The following TENM2 variants were observed in gnomAD, a reference collection of about 807,000 sequenced individuals.
TENM2 encodes the protein teneurin transmembrane protein 2.
TENM2 carries 52 observed loss-of-function variants against 245.2 expected under a neutral mutation model. That is an observed-to-expected ratio of 0.21 (90% CI 0.17 to 0.27). The LOEUF (loss-of-function observed/expected upper bound fraction) is 0.27, where lower values mean the gene tolerates loss of function less well. TENM2 is among the 10% of genes least tolerant of loss of function. TENM2 has a pLI of 1.00. For synonymous variants in TENM2, 1,363 were observed against 1,438.9 expected, an observed-to-expected ratio of 0.95 and a Z score of 1.19; for missense variants, 3,046 against 3,666.8, an observed-to-expected ratio of 0.83 and a Z score of 4.37.
intron 13 of TENM2, 53 bp downstream of exon 15, chr5:168,162,810 C>T: frequency 6.3e-7 from 1 of 1,584,270 alleles, no homozygotes; most frequent in Non-Finnish European, 8.6e-7. Context: ...GTTGTCCATG[C>T]TTTTGTCATA....
intron 7 of TENM2, among the ~76,000 whole-genome samples, chr5:168,085,970 C>T (rs1792419041): frequency 6.6e-6 from 1 of 152,228 alleles, no homozygotes; most frequent in African/African-American, 2.4e-5. Context: ...CGGGAAATGT[C>T]AGCATTTATT....
At chr5:167,316,709 C>A (rs1228682996) in intron 1 of TENM2, among the ~76,000 whole-genome samples, 3 of 152,130 alleles carry the variant, frequency 2.0e-5, no homozygotes, top group Admixed American at 2.0e-4. Context: ...TGAGTACAAT[C>A]CGTAGAGTCA....
At chr5:168,154,236 A>G (rs1008413280) in intron 12 of TENM2, among the ~76,000 whole-genome samples, 39 of 149,708 alleles carry the variant, frequency 2.6e-4, no homozygotes, top group African/African-American at 9.6e-4. Context: ...TTTTTGAGAC[A>G]AAGTCTCGTT....
chr5:168,187,169 G>C (rs1760534231), intron 13 of TENM2: 1 of 152,164 alleles, frequency 6.6e-6, no homozygotes, highest in Non-Finnish European at 1.5e-5. Context: ...ATCTGCTATT[G>C]CTGATGTGCT....
intron 2 of TENM2, among the ~76,000 whole-genome samples, chr5:167,583,062 C>T (rs1424356306): frequency 6.6e-6 from 1 of 152,042 alleles, no homozygotes; most frequent in African/African-American, 2.4e-5. Flanking sequence ...CATTCATGCA[C>T]AAAAAGTGTA....
chr5:167,792,748 G>A (rs1324898338), intron 2 of TENM2, among the ~76,000 whole-genome samples: 8 of 148,716 alleles, frequency 5.4e-5, no homozygotes, highest in African/African-American at 1.2e-4. Context: ...AAAAAAAAAA[G>A]GTGACTCATT....
At chr5:168,138,884 G>A (rs1264308659) in intron 12 of TENM2, among the ~76,000 whole-genome samples, 2 of 152,214 alleles carry the variant, frequency 1.3e-5, no homozygotes, top group Non-Finnish European at 2.9e-5. Context: ...ACCTCTGTGT[G>A]AATATCACCG....
chr5:167,723,130 G>A (rs1003077286), intron 2 of TENM2, among the ~76,000 whole-genome samples: 2 of 152,144 alleles, frequency 1.3e-5, no homozygotes, highest in South Asian at 2.1e-4. Context: ...TTTAGTCTGT[G>A]CCTGAAAACC....
At chr5:167,819,661 A>G (rs1250677586) in intron 2 of TENM2, among the ~76,000 whole-genome samples, 2 of 152,224 alleles carry the variant, frequency 1.3e-5, no homozygotes, top group Non-Finnish European at 2.9e-5. Context: ...TTACCGTGCC[A>G]GGGTGCAGTT....
chr5:167,702,540 A>ATGTGTG (rs1554102837), intron 2 of TENM2, among the ~76,000 whole-genome samples: 2 of 123,278 alleles, frequency 1.6e-5, no homozygotes, highest in African/African-American at 6.8e-5. Flanking sequence ...GTATGTATGT[A>ATGTGTG]TGTGTGTGTG....
chr5:168,120,475 T>C (rs1478501905), intron 10 of TENM2, among the ~76,000 whole-genome samples: 1 of 152,246 alleles, frequency 6.6e-6, no homozygotes, highest in Non-Finnish European at 1.5e-5. Flanking sequence ...AGGAAAGTGC[T>C]AGGGCAACAA....
chr5:167,916,175 A>G (rs1160143474), intron 3 of TENM2, among the ~76,000 whole-genome samples: 1 of 152,216 alleles, frequency 6.6e-6, no homozygotes, highest in Non-Finnish European at 1.5e-5. Context: ...CTTCGCCAGC[A>G]GTCAAAGAAC....
intron 2 of TENM2, among the ~76,000 whole-genome samples, chr5:167,788,482 G>A (rs1409528983): frequency 6.6e-6 from 1 of 152,128 alleles, no homozygotes; most frequent in Non-Finnish European, 1.5e-5. Flanking sequence ...TCATTATTGT[G>A]ATGAAAGTGT....
At chr5:168,061,178 G>A (rs993249235) in intron 6 of TENM2, among the ~76,000 whole-genome samples, 4 of 152,130 alleles carry the variant, frequency 2.6e-5, no homozygotes, top group African/African-American at 9.7e-5. Flanking sequence ...GTTCAGAATC[G>A]ATTTGAAGGA....
intron 2 of TENM2, among the ~76,000 whole-genome samples, chr5:167,863,490 C>A (rs980891033): frequency 1.1e-3 from 159 of 143,234 alleles, no homozygotes; most frequent in African/African-American, 4.2e-3. Context: ...CACACACACA[C>A]AAAATTAGCC....
At chr5:167,134,126 T>C in the TENM2 span, among the ~76,000 whole-genome samples, 1 of 152,090 alleles carries the variant, frequency 6.6e-6, no homozygotes, top group African/African-American at 2.4e-5. Flanking sequence ...CTATTTTAAA[T>C]AACATGTTTC....
intron 7 of TENM2, among the ~76,000 whole-genome samples, chr5:168,076,173 T>TTTTTATTTTA (rs202117061): frequency 2.9e-4 from 39 of 132,498 alleles, no homozygotes; most frequent in African/African-American, 1.1e-3. Flanking sequence ...GTTTGCTTTA[T>TTTTTATTTTA]TTTTATTTTA....
At chr5:167,314,009 TC>T (rs1756201426) in intron 1 of TENM2, among the ~76,000 whole-genome samples, 1 of 152,046 alleles carries the variant, frequency 6.6e-6, no homozygotes, top group Non-Finnish European at 1.5e-5. Context: ...GATTATGTCA[TC>T]CCCCACCCCG....
the TENM2 span, among the ~76,000 whole-genome samples, chr5:167,136,295 C>A: frequency 6.6e-6 from 1 of 152,264 alleles, no homozygotes; most frequent in Admixed American, 6.5e-5. Flanking sequence ...TATCGATGCT[C>A]CCATCCTCAG....
Sources: allele counts gnomAD v4.1 joint callset (sites outside exome capture counted in the v4.1 genomes callset), GRCh38; gene constraint gnomAD v4.1.1; transcripts MANE v1.5; gene names NCBI Gene and HGNC (gene_info 2026-07-23, HGNC 2026-07-21).